The following ALG11 variants were observed in gnomAD, a reference collection of about 807,000 sequenced individuals.
ALG11 encodes the protein ALG11 alpha-1,2-mannosyltransferase, also known as GDP-Man:Man(3)GlcNAc(2)-PP-Dol alpha-1,2-mannosyltransferase.
In ALG11, 26 loss-of-function variants were observed where a neutral mutation model predicts 38.8. That is an observed-to-expected ratio of 0.67 (90% CI 0.49 to 0.93). The LOEUF is 0.93. ALG11 is among the 40% of genes least tolerant of loss of function. The probability of loss-of-function intolerance (pLI) is 0.00; values close to 1 mark genes in which losing one functional copy is unlikely to be tolerated. For synonymous variants in ALG11, 199 were observed against 211.6 expected, an observed-to-expected ratio of 0.94 and a Z score of 0.52; for missense variants, 535 against 578.8, an observed-to-expected ratio of 0.92 and a Z score of 0.78.
At chr13:52,022,511 G>T (rs1181076641) in intron 2 of ALG11, 1 of 152,198 alleles carries the variant, frequency 6.6e-6, no homozygotes, top group Non-Finnish European at 1.5e-5. Flanking sequence ...GGAGCAGTTA[G>T]ATTGTCATCC....
In ALG11 at chr13:52,029,928, T is replaced by C; in HGVS notation, c.*1338T>C. The C allele has an allele frequency of 6.2e-7, 1 of 1,614,140 alleles. No individual in the cohort carries two copies. Reference sequence around the variant, plus strand: ...GTGGACGGACCGAATCCCTGGATGTTCAGGAGCTGCACCAGTGACACCAAA... The same window carrying C: ...GTGGACGGACCGAATCCCTGGATGTCCAGGAGCTGCACCAGTGACACCAAA... On this transcript the variant is annotated 3_prime_UTR_variant, in exon 4 of 4. Coordinates refer to ENST00000521508, the MANE Select transcript of ALG11 (RefSeq NM_001004127.3).
intron 2 of ALG11, chr13:52,021,852 A>G (rs1954186663): frequency 6.6e-6 from 1 of 151,976 alleles, no homozygotes. Context: ...CAACATAGCA[A>G]TCTCGGGCTG....
chr13:52,031,311 C>T lies in ALG11; in HGVS notation c.*2721C>T, dbSNP rs1954301737. The T allele has an allele frequency of 1.4e-6, 1 of 734,754 alleles. No homozygotes were observed. Among genetic ancestry groups the T allele is most frequent in the South Asian group, 2.5e-5 (1 of 40,524 alleles). 45.5% of individuals were successfully genotyped at this position (734,754 alleles called of 1,614,324 possible). On this transcript the variant is annotated 3_prime_UTR_variant, in exon 4 of 4. Coordinates refer to ENST00000521508, the MANE Select transcript of ALG11 (RefSeq NM_001004127.3). ...ATTAGAACACAGAAAAATTCTAGTA[C>T]ATTTAAATTCTAAACAATACAGTGG... is the stretch of plus-strand genomic sequence containing the variant.
chr13:52,018,807 C>T, intron 1 of ALG11, 106 bp from the exon 2 acceptor site: 3 of 922,868 alleles, frequency 3.3e-6, no homozygotes, highest in Non-Finnish European at 5.1e-6. Context: ...AGACAATTCT[C>T]TCTTTGTTAC....
At chr13:52,019,470 C>G (rs960887914) in intron 2 of ALG11, among the ~76,000 whole-genome samples, 2 of 152,140 alleles carry the variant, frequency 1.3e-5, no homozygotes, top group African/African-American at 4.8e-5. Context: ...ATCCGCCCAC[C>G]TCGGCCTTCC....
Position 52,024,600 on chromosome 13 carries a change from T to C in ALG11, c.870T>C (p.Ile290=), listed in dbSNP as rs763823178. The part of the protein sequence containing the change: ...PPCDVQTFLD[I]PLHEKKMTPG... ...GTGATGTGCAGACATTTCTGGACATTCCCTTACATGAGAAAAAGATGACCC... is the reference window on the plus strand; with the variant it reads ...GTGATGTGCAGACATTTCTGGACATCCCCTTACATGAGAAAAAGATGACCC... The change falls in exon 3 of 4, where the codon ATT becomes ATC. Residue 290 remains isoleucine (I), a synonymous_variant. Transcript: ENST00000521508. The C allele has an allele frequency of 1.2e-6, 2 of 1,613,852 alleles. No individual in the cohort carries two copies. Among genetic ancestry groups the C allele is most frequent in the Non-Finnish European group, 1.7e-6 (2 of 1,179,920 alleles).
In ALG11 at chr13:52,028,449, T is replaced by G; in HGVS notation, c.1338T>G (p.Ala446=). ...TGGCTGAGAGTGAAGAAGACTATGC[T>G]GAAACTATCGCTCACATTCTTTCCA... ...GFLAESEEDY[A]ETIAHILSMS... Residue 446 remains alanine, a synonymous_variant, in exon 4 of 4, where the codon GCT becomes GCG. Coordinates refer to ENST00000521508, the MANE Select transcript of ALG11 (RefSeq NM_001004127.3). 1 of 1,614,194 alleles carries G rather than the reference T, an allele frequency of 6.2e-7. No homozygotes were observed.
At chr13:52,012,495 TTTCTC>T (rs1234913090) in intron 1 of ALG11, 33 bp downstream of exon 1, 2 of 1,613,918 alleles carry the variant, frequency 1.2e-6, no homozygotes, top group East Asian at 4.5e-5. Flanking sequence ...TCACAGACGT[TTTCTC>T]TTCTGTAGGG....
rs1954311392 is a variant in ALG11 at position 52,032,039 on chromosome 13, G to C, written c.*3449G>C. The C allele has an allele frequency of 6.4e-6, 1 of 155,062 alleles. No homozygotes were observed. The highest frequency in any genetic ancestry group is 6.5e-5 in the Admixed American group (1 of 15,268). 9.6% of individuals were successfully genotyped at this position (155,062 alleles called of 1,614,324 possible). A position where few individuals can be genotyped will look rare whatever the true frequency, so the allele number is the denominator to read the frequency against. The stretch of plus-strand genomic sequence containing the variant: ...AGTTGAGACCAGCCTGAACAACATG[G>C]TGAAACCCTGTCTGTACTAAAAATA... On this transcript the variant is annotated 3_prime_UTR_variant, in exon 4 of 4. Transcript: ENST00000521508.
In ALG11 at chr13:52,024,759, A is replaced by G. The variant is rs147711581; in HGVS notation, c.1029A>G (p.Gly343=). ...CTTCGCTTAAACTTGTCCTCATTGG[A>G]GGTTGTCGTAACAAAGATGATGAAC... ...SPPSLKLVLI[G]GCRNKDDELR... is the part of the protein sequence containing the mutation. The change falls in exon 3 of 4, where the codon GGA becomes GGG. Residue 343 remains glycine (G), a synonymous_variant. Coordinates refer to ENST00000521508, the MANE Select transcript of ALG11 (RefSeq NM_001004127.3). 2.7e-5 allele frequency: 43 copies of G among 1,614,110 alleles called. No individual in the cohort carries two copies. In the Middle Eastern group the frequency reaches 4.9e-4, roughly 19 times the overall value.
rs1471594093 is a variant in ALG11, at chr13:52,030,396, TAGA to T, written c.*1809_*1811del. The T allele has an allele frequency of 6.2e-7, 1 of 1,614,200 alleles. No individual in the cohort carries two copies. Among genetic ancestry groups the T allele is most frequent in the South Asian group, 1.1e-5 (1 of 91,084 alleles). ...AATAAGGAGCTTCCCAGACCTGTGTTAGAAGGACAGCAGTCAGAGAGGACCCCA... is the reference window on the plus strand; with the variant it reads ...AATAAGGAGCTTCCCAGACCTGTGTTAGGACAGCAGTCAGAGAGGACCCCA... On this transcript the variant is annotated 3_prime_UTR_variant, in exon 4 of 4. Coordinates refer to ENST00000521508, the MANE Select transcript of ALG11 (RefSeq NM_001004127.3).
chr13:52,020,557 A>G (rs1032176585), intron 2 of ALG11: 4 of 152,202 alleles, frequency 2.6e-5, no homozygotes, highest in East Asian at 3.8e-4. Flanking sequence ...TCTCGTTGAT[A>G]ATACTTTTTT....
In ALG11 at chr13:52,024,664, G is replaced by A; in HGVS notation, c.934G>A (p.Glu312Lys). ...GGTTTCTGTTGGCCAGTTTAGGCCG[G>A]AAAAGAATCATCCATTGCAGATCAG... is the stretch of plus-strand genomic sequence containing the variant. ...LLVSVGQFRPEKNHPLQIRAF... is the reference protein window; with the variant it reads ...LLVSVGQFRPKKNHPLQIRAF... Residue 312 changes from glutamate (E) to lysine (K), a missense_variant, in exon 3 of 4, where the codon GAA (glutamate) becomes AAA (lysine). Glu to Lys is a moderately conservative substitution (Grantham distance 56). Coordinates refer to ENST00000521508, the MANE Select transcript of ALG11 (RefSeq NM_001004127.3). 1.2e-6 allele frequency: 2 copies of A among 1,614,106 alleles called. No individual in the cohort carries two copies. The highest frequency in any genetic ancestry group is 1.7e-6 in the Non-Finnish European group (2 of 1,179,986).
intron 2 of ALG11, among the ~76,000 whole-genome samples, chr13:52,019,383 G>A (rs576776384): frequency 5.5e-4 from 83 of 151,832 alleles, no homozygotes; most frequent in African/African-American, 2.0e-3. Flanking sequence ...CACCACGTCC[G>A]GCTAATTTTT....
Position 52,024,689 on chromosome 13 carries a change from G to A in ALG11, c.959G>A (p.Arg320Lys), listed in dbSNP as rs959802397. 1.2e-6 allele frequency: 2 copies of A among 1,614,206 alleles called. No homozygotes were observed. Among genetic ancestry groups the A allele is most frequent in the Non-Finnish European group, 8.5e-7 (1 of 1,180,034 alleles). ...RPEKNHPLQI[R>K]AFAKLLNKKM... ...GAAAAGAATCATCCATTGCAGATCAGAGCCTTTGCTAAATTGCTGAATAAG... is the reference window on the plus strand; with the variant it reads ...GAAAAGAATCATCCATTGCAGATCAAAGCCTTTGCTAAATTGCTGAATAAG... Residue 320 changes from arginine (R) to lysine (K), a missense_variant, in exon 3 of 4, where the codon AGA (arginine) becomes AAA (lysine). Arg to Lys is a conservative substitution (Grantham distance 26). Transcript: ENST00000521508.
intron 2 of ALG11, chr13:52,022,425 G>A (rs761484090): frequency 1.3e-5 from 2 of 152,194 alleles, no homozygotes; most frequent in Non-Finnish European, 2.9e-5. Flanking sequence ...GGCTACCAGA[G>A]ATCACAATCT....
chr13:52,023,178 C>T (rs946282208), intron 2 of ALG11: 4 of 152,134 alleles, frequency 2.6e-5, no homozygotes, highest in Non-Finnish European at 5.9e-5. Flanking sequence ...TTTGTTGAAT[C>T]TTAATTCTTG....
intron 3 of ALG11, among the ~76,000 whole-genome samples, chr13:52,026,905 A>G (rs1417697575): frequency 6.6e-6 from 1 of 152,200 alleles, no homozygotes; most frequent in Non-Finnish European, 1.5e-5. Flanking sequence ...CGCCTGGGGA[A>G]TATGTACAGA....
rs60572872 is a variant in ALG11 at position 52,033,540 on chromosome 13, C to T, written c.*4950C>T. ...TTGTTCTCCTACTAATATTCCCAAG[C>T]TCCATATGCCAATTAAAGAAGAAAC... On this transcript the variant is annotated 3_prime_UTR_variant, in exon 4 of 4. Coordinates refer to ENST00000521508, the MANE Select transcript of ALG11 (RefSeq NM_001004127.3). 4.0e-3 allele frequency: 675 copies of T among 167,136 alleles called. 4 individuals are homozygous for T. Among genetic ancestry groups the T allele is most frequent in the African/African-American group, 0.015 (614 of 41,558 alleles). The allele number at this position is 167,136 out of a possible 1,614,324, so 10.4% of individuals were successfully genotyped here.
Sources: allele counts gnomAD v4.1 joint callset (sites outside exome capture counted in the v4.1 genomes callset), GRCh38; gene constraint gnomAD v4.1.1; transcripts MANE v1.5; gene names NCBI Gene and HGNC (gene_info 2026-07-23, HGNC 2026-07-21).